Variants in NSA2 observed in about 807,000 individuals in gnomAD.
NSA2 encodes ribosome biogenesis protein NSA2 homolog.
A neutral mutation model predicts 34.8 loss-of-function variants in NSA2; 18 were observed. The observed-to-expected ratio is 0.52, with a 90% confidence interval of 0.36 to 0.77. The LOEUF (loss-of-function observed/expected upper bound fraction) is 0.77, where lower values mean the gene tolerates loss of function less well. Ranked by LOEUF, NSA2 falls within the 30% of genes least tolerant of loss-of-function variation. The pLI, the probability that NSA2 is intolerant of heterozygous loss-of-function variation, is 0.00. For missense variants in NSA2, 188 were observed against 314.7 expected, an observed-to-expected ratio of 0.60 and a Z score of 3.05; for synonymous variants, 79 against 100.2, an observed-to-expected ratio of 0.79 and a Z score of 1.26.
Position 74,778,918 on chromosome 5 carries a change from A to G in NSA2, c.*2247A>G, listed in dbSNP as rs1015545562. On this transcript the variant is annotated 3_prime_UTR_variant, in exon 6 of 6. Coordinates refer to ENST00000610426, the MANE Select transcript of NSA2 (RefSeq NM_014886.6). Reference sequence around the variant, plus strand: ...TTTTCTAATGCCTTGCAAAAACTACAGATAACTGATTAAGTTCATGTAGGT... The same window carrying G: ...TTTTCTAATGCCTTGCAAAAACTACGGATAACTGATTAAGTTCATGTAGGT... The G allele has an allele frequency of 1.3e-5, 2 of 152,124 alleles. No homozygotes were observed. Among genetic ancestry groups the G allele is most frequent in the East Asian group, 3.8e-4 (2 of 5,202 alleles). The allele number at this position is 152,124 out of a possible 1,614,324, so 9.4% of individuals were successfully genotyped here.
chr5:74,767,749 GGA>G (rs1351467528), intron 1 of NSA2, among the ~76,000 whole-genome samples: 1 of 152,172 alleles, frequency 6.6e-6, no homozygotes, highest in Non-Finnish European at 1.5e-5. Context: ...TTACTGCTGA[GGA>G]AACTGAAGGC....
Position 74,777,160 on chromosome 5 carries a change from CTT to C in NSA2, c.*492_*493del, listed in dbSNP as rs1467850233. On this transcript the variant is annotated 3_prime_UTR_variant, in exon 6 of 6. Coordinates refer to ENST00000610426, the MANE Select transcript of NSA2 (RefSeq NM_014886.6). ...AAAAGTTCAGAAATCTTAGAGAAAT[CTT>C]TTCACCTGTGAAATCCAGTACAGCA... The C allele has an allele frequency of 2.0e-5, 3 of 152,430 alleles. No individual in the cohort carries two copies. The highest frequency in any genetic ancestry group is 7.2e-5 in the African/African-American group (3 of 41,462). 9.4% of individuals were successfully genotyped at this position (152,430 alleles called of 1,614,324 possible).
rs1041929131 is a variant in NSA2, at chr5:74,778,703, A to G, written c.*2032A>G. On this transcript the variant is annotated 3_prime_UTR_variant, in exon 6 of 6. Transcript: ENST00000610426. ...TGATGTCTAGCAATTGAATAATTTA[A>G]ACTTGAAAGAACTAAAATACTAATA... 6.6e-6 allele frequency: 1 copy of G among 152,096 alleles called. No individual in the cohort carries two copies. The highest frequency in any genetic ancestry group is 2.4e-5 in the African/African-American group (1 of 41,450). 9.4% of individuals were successfully genotyped at this position (152,096 alleles called of 1,614,324 possible).
At position 74,779,772 on chromosome 5, in the gene NSA2, G is replaced by C. The variant is rs565093346; in HGVS notation, c.*3101G>C. ...ATTGTTCAAAATCTAACACAAATAGGAGCGTTTACTATTTTTGTCTGCTTT... is the reference window on the plus strand; with the variant it reads ...ATTGTTCAAAATCTAACACAAATAGCAGCGTTTACTATTTTTGTCTGCTTT... On this transcript the variant is annotated 3_prime_UTR_variant, in exon 6 of 6. Transcript: ENST00000610426. The C allele has an allele frequency of 6.6e-6, 1 of 152,186 alleles. No homozygotes were observed. Among genetic ancestry groups the C allele is most frequent in the Non-Finnish European group, 1.5e-5 (1 of 67,984 alleles). The allele number at this position is 152,186 out of a possible 1,614,324, so 9.4% of individuals were successfully genotyped here.
Position 74,776,750 on chromosome 5 carries a change from C to G in NSA2, c.*79C>G, listed in dbSNP as rs1167853621. 1 of 776,338 alleles carries G rather than the reference C, an allele frequency of 1.3e-6. No homozygotes were observed. The allele number at this position is 776,338 out of a possible 1,614,324, so 48.1% of individuals were successfully genotyped here. ...ATTACTGTGATGTTTCTGAATACTACCAAACAGCCATACATGTCTGCAATG... is the reference window on the plus strand; with the variant it reads ...ATTACTGTGATGTTTCTGAATACTAGCAAACAGCCATACATGTCTGCAATG... On this transcript the variant is annotated 3_prime_UTR_variant, in exon 6 of 6. Transcript: ENST00000610426.
At chr5:74,773,520 G>GT (rs1745014914) in intron 4 of NSA2, among the ~76,000 whole-genome samples, 1 of 151,136 alleles carries the variant, frequency 6.6e-6, no homozygotes. Flanking sequence ...CGTGCCTGTA[G>GT]TCCCAGCTAC....
rs200088576 is a variant in NSA2 at position 74,770,678 on chromosome 5, A to G, written c.390A>G (p.Thr130=). Residue 130 remains threonine (T), a synonymous_variant, in exon 4 of 6, where the codon ACA becomes ACG. Coordinates refer to ENST00000610426, the MANE Select transcript of NSA2 (RefSeq NM_014886.6). ...CTAAAGTACGTGCCCAGGGAGAAAC[A>G]GAAGTATTAAAAGTTATTCGAACAG... ...PLPKVRAQGE[T]EVLKVIRTGK... The G allele has an allele frequency of 2.5e-6, 4 of 1,612,586 alleles. No homozygotes were observed. The East Asian group carries it at 6.7e-5, about 27-fold the overall frequency.
intron 3 of NSA2, 143 bp from the exon 4 acceptor site, chr5:74,770,488 C>G (rs1353953130): frequency 2.0e-5 from 12 of 592,178 alleles, no homozygotes; most frequent in Non-Finnish European, 3.3e-5. Context: ...CAATACAGAC[C>G]TCTAGAAGAC....
At chr5:74,773,741 CTTT>C (rs760094925) in intron 4 of NSA2, 124 bp from the exon 5 acceptor site, 7 of 685,624 alleles carry the variant, frequency 1.0e-5, no homozygotes, top group East Asian at 2.7e-5. Flanking sequence ...TTGTTAGCTT[CTTT>C]AAGATGACAT....
chr5:74,777,983 T>C lies in NSA2; in HGVS notation c.*1312T>C, dbSNP rs1745206363. On this transcript the variant is annotated 3_prime_UTR_variant, in exon 6 of 6. Coordinates refer to ENST00000610426, the MANE Select transcript of NSA2 (RefSeq NM_014886.6). ...TCACTTGATGACAGAAGGTAAGCCTTTCTTACAATTAGATTTTAGCAGATA... is the reference window on the plus strand; with the variant it reads ...TCACTTGATGACAGAAGGTAAGCCTCTCTTACAATTAGATTTTAGCAGATA... 1 of 152,056 alleles carries C rather than the reference T, an allele frequency of 6.6e-6. No individual in the cohort carries two copies. The highest frequency in any genetic ancestry group is 2.1e-4 in the South Asian group (1 of 4,836). The allele number at this position is 152,056 out of a possible 1,614,324, so 9.4% of individuals were successfully genotyped here. A position where few individuals can be genotyped will look rare whatever the true frequency, so the allele number is the denominator to read the frequency against.
At position 74,779,409 on chromosome 5, in the gene NSA2, G is replaced by A. The variant is rs1332021865; in HGVS notation, c.*2738G>A. 1 of 152,098 alleles carries A rather than the reference G, an allele frequency of 6.6e-6. No individual in the cohort carries two copies. Among genetic ancestry groups the A allele is most frequent in the Non-Finnish European group, 1.5e-5 (1 of 68,000 alleles). 9.4% of individuals were successfully genotyped at this position (152,098 alleles called of 1,614,324 possible). A position where few individuals can be genotyped will look rare whatever the true frequency, so the allele number is the denominator to read the frequency against. On this transcript the variant is annotated 3_prime_UTR_variant, in exon 6 of 6. Transcript: ENST00000610426. ...ACACAAATTCATGAAGCGTTTCCAT[G>A]TTTAAAATAATTTGAAAAGAAAGTA...
Position 74,768,976 on chromosome 5 carries a change from C to T in NSA2, c.49C>T (p.Arg17Cys), listed in dbSNP as rs1263907441. The T allele has an allele frequency of 1.2e-6, 2 of 1,606,412 alleles. No homozygotes were observed. The highest frequency in any genetic ancestry group is 1.7e-6 in the Non-Finnish European group (2 of 1,177,806). The change falls in exon 2 of 6, where the codon CGT becomes TGT. Residue 17 changes from arginine (R) to cysteine (C), a missense_variant. Coordinates refer to ENST00000610426, the MANE Select transcript of NSA2 (RefSeq NM_014886.6). Reference sequence around the variant, plus strand: ...ATTACACCGTAAACGCTATGGATACCGTTTGGATTACCATGAGAAAAAGAG... The same window carrying T: ...ATTACACCGTAAACGCTATGGATACTGTTTGGATTACCATGAGAAAAAGAG... ...IELHRKRYGYRLDYHEKKRKK... is the reference protein window; with the variant it reads ...IELHRKRYGYCLDYHEKKRKK...
chr5:74,771,237 G>T (rs1462032324), intron 4 of NSA2, among the ~76,000 whole-genome samples: 1 of 150,792 alleles, frequency 6.6e-6, no homozygotes, highest in African/African-American at 2.4e-5. Flanking sequence ...CTGAGATCAC[G>T]CCATTGCACT....
intron 4 of NSA2, among the ~76,000 whole-genome samples, chr5:74,772,311 A>G (rs113508346): frequency 2.0e-5 from 3 of 152,024 alleles, no homozygotes; most frequent in African/African-American, 7.2e-5. Flanking sequence ...ATTTTTTTGT[A>G]GAGACGGGGT....
rs1408951921 is a variant in NSA2, at chr5:74,778,917, C to T, written c.*2246C>T. On this transcript the variant is annotated 3_prime_UTR_variant, in exon 6 of 6. Transcript: ENST00000610426. ...TTTTTCTAATGCCTTGCAAAAACTA[C>T]AGATAACTGATTAAGTTCATGTAGG... 1 of 152,048 alleles carries T rather than the reference C, an allele frequency of 6.6e-6. No homozygotes were observed. Among genetic ancestry groups the T allele is most frequent in the African/African-American group, 2.4e-5 (1 of 41,444 alleles). The allele number at this position is 152,048 out of a possible 1,614,324, so 9.4% of individuals were successfully genotyped here.
intron 1 of NSA2, 83 bp downstream of exon 1, chr5:74,767,446 G>C: frequency 1.3e-6 from 2 of 1,536,160 alleles, no homozygotes; most frequent in Non-Finnish European, 8.9e-7. Context: ...GGGGTAGGGG[G>C]TGAGCGGTGG....
chr5:74,772,621 C>T (rs552893773), intron 4 of NSA2, among the ~76,000 whole-genome samples: 2 of 152,220 alleles, frequency 1.3e-5, no homozygotes, highest in African/African-American at 4.8e-5. Context: ...AATGTTTGCC[C>T]ACCCCGGATT....
chr5:74,769,278 G>A lies in NSA2; in HGVS notation c.256G>A (p.Val86Ile), dbSNP rs1411065533. 1.2e-6 allele frequency: 2 copies of A among 1,613,442 alleles called. No homozygotes were observed. Among genetic ancestry groups the A allele is most frequent in the East Asian group, 2.2e-5 (1 of 44,876 alleles). ...TGATGAAAAGACACCACAGGGAGCA[G>A]TACCTGCCTATCTGCTGGACAGAGA... ...KNDEKTPQGA[V>I]PAYLLDREGQ... is the part of the protein sequence containing the mutation. The change falls in exon 3 of 6, where the codon GTA (valine) becomes ATA (isoleucine). Residue 86 changes from valine to isoleucine, a missense_variant. Physicochemically the swap from Val to Ile is conservative, Grantham distance 29. Transcript: ENST00000610426.
At chr5:74,772,805 A>G (rs950483380) in intron 4 of NSA2, among the ~76,000 whole-genome samples, 2 of 152,196 alleles carry the variant, frequency 1.3e-5, no homozygotes, top group African/African-American at 2.4e-5. Context: ...GTTTCTTACA[A>G]GCTTGATTAA....
Sources: gnomAD v4.1 joint callset for allele counts (sites outside exome capture counted in the v4.1 genomes callset) on GRCh38, gnomAD v4.1.1 for gene constraint, MANE v1.5 for transcripts, NCBI Gene and HGNC (gene_info 2026-07-23, HGNC 2026-07-21) for gene names.